The following PCDHGB3 variants were observed in gnomAD, a reference collection of about 807,000 sequenced individuals.
The protein encoded by PCDHGB3 is protocadherin gamma-B3.
A neutral mutation model predicts 59.2 loss-of-function variants in PCDHGB3; 40 were observed. That is an observed-to-expected ratio of 0.68 (90% CI 0.52 to 0.88). The LOEUF is 0.88. Ranked by LOEUF, PCDHGB3 falls within the 40% of genes least tolerant of loss-of-function variation. The pLI is 0.00. For synonymous variants in PCDHGB3, 581 were observed against 503.6 expected, an observed-to-expected ratio of 1.15 and a Z score of -2.06; for missense variants, 1,309 against 1,187.9, an observed-to-expected ratio of 1.10 and a Z score of -1.50.
chr5:141,375,952 G>C (rs1032808913), intron 1 of PCDHGB3: 7 of 1,613,514 alleles, frequency 4.3e-6, no homozygotes, highest in South Asian at 1.1e-5. Flanking sequence ...GCCTGCACAC[G>C]GGCGAGGTGC....
Position 141,486,178 on chromosome 5 carries a change from C to T in PCDHGB3, c.2416-8629C>T, listed in dbSNP as rs767840363. The T allele has an allele frequency of 1.1e-5, 17 of 1,614,076 alleles. No homozygotes were observed. The highest frequency in any genetic ancestry group is 1.4e-5 in the Non-Finnish European group (16 of 1,180,038). ...CTCCAGCCATGGAGCAACATTGCAG[C>T]CTTCGAGTGGATCTGCTGGACGTAA... On this transcript the variant is annotated intron_variant, in intron 1 of 3. Coordinates refer to ENST00000576222, the MANE Select transcript of PCDHGB3 (RefSeq NM_018924.5). The surrounding 1 kb of genome is among the most constrained non-coding windows in gnomAD (Gnocchi z 5.0).
At chr5:141,466,871 T>G (rs1432611218) in intron 1 of PCDHGB3, among the ~76,000 whole-genome samples, 1 of 152,166 alleles carries the variant, frequency 6.6e-6, no homozygotes, top group Admixed American at 6.5e-5. Flanking sequence ...ATCCACACAT[T>G]TTTTTCATAA....
rs1231591874 is a variant in PCDHGB3 at position 141,431,615 on chromosome 5, G to T, written c.2415+58806G>T. The T allele has an allele frequency of 3.1e-6, 5 of 1,614,118 alleles. No homozygotes were observed. Among genetic ancestry groups the T allele is most frequent in the African/African-American group, 2.7e-5 (2 of 74,950 alleles). On this transcript the variant is annotated intron_variant, in intron 1 of 3. Transcript: ENST00000576222. The surrounding 1 kb of genome is among the most constrained non-coding windows in gnomAD (Gnocchi z 4.8). Reference sequence around the variant, plus strand: ...GAGGTATTCCTTCCGGTATGTGGACGACAAGGCGGCCCAAGTTTTCAAACT... The same window carrying T: ...GAGGTATTCCTTCCGGTATGTGGACTACAAGGCGGCCCAAGTTTTCAAACT...
intron 1 of PCDHGB3, among the ~76,000 whole-genome samples, chr5:141,474,185 C>T (rs1481544975): frequency 1.3e-5 from 2 of 152,180 alleles, no homozygotes; most frequent in Non-Finnish European, 2.9e-5. Flanking sequence ...AAACTACTTA[C>T]ATTTTTAAAA....
chr5:141,463,904 T>C (rs1289422146), intron 1 of PCDHGB3, among the ~76,000 whole-genome samples: 3 of 152,214 alleles, frequency 2.0e-5, no homozygotes, highest in African/African-American at 4.8e-5. Context: ...TTTGTACTAA[T>C]AATATATCCT....
Position 141,423,758 on chromosome 5 carries a change from GGGT to G in PCDHGB3, c.2415+50952_2415+50954del, listed in dbSNP as rs776356896. The G allele has an allele frequency of 7.0e-4, 256 of 366,834 alleles. 2 individuals are homozygous for G. The highest frequency in any genetic ancestry group is 6.8e-3 in the African/African-American group (232 of 34,230). The allele number at this position is 366,834 out of a possible 1,614,324, so 22.7% of individuals were successfully genotyped here. A position where few individuals can be genotyped will look rare whatever the true frequency, so the allele number is the denominator to read the frequency against. ...CTGTTATGAAAACTGTTTGGGGGGG[GGGT>G]GGGGCGGCATATATTTAGTTCATAT... On this transcript the variant is annotated intron_variant, in intron 1 of 3. Coordinates refer to ENST00000576222, the MANE Select transcript of PCDHGB3 (RefSeq NM_018924.5).
chr5:141,402,369 A>C (rs1281295306), intron 1 of PCDHGB3, among the ~76,000 whole-genome samples: 1 of 152,066 alleles, frequency 6.6e-6, no homozygotes, highest in Non-Finnish European at 1.5e-5. Context: ...ACTTCCAAAC[A>C]AGATTGCACA....
At chr5:141,400,856 A>G (rs1026499885) in intron 1 of PCDHGB3, among the ~76,000 whole-genome samples, 6 of 152,192 alleles carry the variant, frequency 3.9e-5, no homozygotes, top group Non-Finnish European at 8.8e-5. Context: ...ATTTTATTGT[A>G]TGTAGATAAA....
At chr5:141,460,981 GTGTA>G (rs1315974712) in intron 1 of PCDHGB3, among the ~76,000 whole-genome samples, 3 of 121,894 alleles carry the variant, frequency 2.5e-5, no homozygotes, top group Non-Finnish European at 5.1e-5. Context: ...GTGTGTGTGT[GTGTA>G]TATATATATA....
chr5:141,467,874 G>T (rs926647135), intron 1 of PCDHGB3, among the ~76,000 whole-genome samples: 1 of 151,920 alleles, frequency 6.6e-6, no homozygotes, highest in Non-Finnish European at 1.5e-5. Context: ...GCCCAGGCTG[G>T]TCTCAAACTC....
intron 1 of PCDHGB3, chr5:141,383,331 G>T: frequency 1.2e-6 from 2 of 1,613,992 alleles, no homozygotes; most frequent in Non-Finnish European, 1.7e-6. Context: ...AAATAATGGA[G>T]AATACAGCTC....
intron 1 of PCDHGB3, among the ~76,000 whole-genome samples, chr5:141,482,530 C>CAAAAAAAAAAAAAAAAAAAAAA (rs3074545): frequency 1.3e-5 from 1 of 76,562 alleles, no homozygotes. Context: ...GACAGACATG[C>CAAAAAAAAAAAAAAAAAAAAAA]AAAAAAAAAA....
At position 141,393,784 on chromosome 5, in the gene PCDHGB3, T is replaced by A. The variant is rs1554094164; in HGVS notation, c.2415+20975T>A. 3 of 1,613,864 alleles carry A rather than the reference T, an allele frequency of 1.9e-6. No homozygotes were observed. The South Asian group carries it at 3.3e-5, about 18-fold the overall frequency. ...GAAATGGAAATACAAGCCGAAGATG[T>A]GGGGGCACTTCTGGGGAGGACCAAA... On this transcript the variant is annotated intron_variant, in intron 1 of 3. Coordinates refer to ENST00000576222, the MANE Select transcript of PCDHGB3 (RefSeq NM_018924.5).
intron 1 of PCDHGB3, chr5:141,388,368 A>G (rs1420676769): frequency 1.2e-6 from 2 of 1,614,026 alleles, no homozygotes; most frequent in Admixed American, 3.3e-5. Context: ...TGATGCGGAT[A>G]TTGGTAGCAA....
intron 1 of PCDHGB3, chr5:141,471,553 TG>T (rs1217142933): frequency 6.6e-6 from 1 of 152,224 alleles, no homozygotes; most frequent in African/African-American, 2.4e-5. Flanking sequence ...AAGGTTGCTT[TG>T]ACTCAGGGGT....
At chr5:141,426,022 T>A (rs1174153557) in intron 1 of PCDHGB3, among the ~76,000 whole-genome samples, 3 of 152,204 alleles carry the variant, frequency 2.0e-5, no homozygotes, top group Admixed American at 2.0e-4. Flanking sequence ...GTTTTCTAAA[T>A]AGACTCAGAG....
chr5:141,417,682 AAAAG>A (rs2096147308), intron 1 of PCDHGB3: 2 of 1,035,494 alleles, frequency 1.9e-6, no homozygotes, highest in Non-Finnish European at 2.7e-6. Context: ...CCAACAACAG[AAAAG>A]AAAACCAGCT....
chr5:141,464,970 G>A (rs550643230), intron 1 of PCDHGB3, among the ~76,000 whole-genome samples: 1 of 152,028 alleles, frequency 6.6e-6, no homozygotes, highest in East Asian at 1.9e-4. Flanking sequence ...TTGAACTACT[G>A]GCTTCAAGTG....
chr5:141,384,461 A>G, intron 1 of PCDHGB3: 1 of 1,614,078 alleles, frequency 6.2e-7, no homozygotes, highest in Non-Finnish European at 8.5e-7. Flanking sequence ...CAATCCTTTG[A>G]TTATGAGCAG....
Sources: allele counts gnomAD v4.1 joint callset (sites outside exome capture counted in the v4.1 genomes callset), GRCh38; gene constraint gnomAD v4.1.1; non-coding constraint Gnocchi (gnomAD v3.1); transcripts MANE v1.5; gene names NCBI Gene and HGNC (gene_info 2026-07-23, HGNC 2026-07-21).